Variants in TBC1D5 observed in about 807,000 individuals in gnomAD.
TBC1D5 encodes the protein TBC1 domain family, member 5.
A neutral mutation model predicts 100.3 loss-of-function variants in TBC1D5; 75 were observed. That is an observed-to-expected ratio of 0.75 (90% CI 0.62 to 0.91). The LOEUF (loss-of-function observed/expected upper bound fraction) is 0.91. Among genes scored for constraint, TBC1D5 ranks in the 40% least tolerant of loss-of-function variants. The pLI is 0.00. For synonymous variants in TBC1D5, 323 were observed against 325.6 expected, an observed-to-expected ratio of 0.99 and a Z score of 0.09; for missense variants, 910 against 942.4, an observed-to-expected ratio of 0.97 and a Z score of 0.45.
intron 1 of TBC1D5, chr3:17,706,246 A>G: frequency 6.5e-7 from 1 of 1,548,768 alleles, no homozygotes; most frequent in East Asian, 2.4e-5. Flanking sequence ...CCACATTGAT[A>G]TTTGTACTTC....
chr3:17,532,366 G>T (rs2096238483), intron 2 of TBC1D5, among the ~76,000 whole-genome samples: 1 of 152,156 alleles, frequency 6.6e-6, no homozygotes, highest in Non-Finnish European at 1.5e-5. Flanking sequence ...AGAGAAACAG[G>T]AACACTTTTA....
intron 18 of TBC1D5, among the ~76,000 whole-genome samples, chr3:17,197,907 C>T (rs914812435): frequency 9.9e-5 from 15 of 151,976 alleles, no homozygotes; most frequent in African/African-American, 2.9e-4. Context: ...CATGGTGGCT[C>T]GCGCCTGTAG....
intron 1 of TBC1D5, among the ~76,000 whole-genome samples, chr3:17,715,368 T>C (rs2075134462): frequency 6.6e-6 from 1 of 152,190 alleles, no homozygotes. Flanking sequence ...TTTCTAGCCC[T>C]ATGACAATGA....
chr3:17,348,674 CA>C (rs1230854029), intron 13 of TBC1D5, among the ~76,000 whole-genome samples: 4 of 152,222 alleles, frequency 2.6e-5, no homozygotes, highest in Non-Finnish European at 5.9e-5. Context: ...AGGCTGCAGG[CA>C]AAACGCACTA....
At chr3:17,437,172 C>T (rs927959426) in intron 3 of TBC1D5, among the ~76,000 whole-genome samples, 5 of 152,172 alleles carry the variant, frequency 3.3e-5, no homozygotes, top group Non-Finnish European at 7.4e-5. Flanking sequence ...GATAATGCAA[C>T]AAGAAGGCCC....
chr3:17,564,741 T>C (rs2096583150), intron 2 of TBC1D5, among the ~76,000 whole-genome samples: 1 of 152,158 alleles, frequency 6.6e-6, no homozygotes, highest in Non-Finnish European at 1.5e-5. Flanking sequence ...CATAGACAAA[T>C]GGCTATCTTT....
At chr3:17,431,508 AATAAC>A (rs1442222447) in intron 3 of TBC1D5, among the ~76,000 whole-genome samples, 7 of 152,024 alleles carry the variant, frequency 4.6e-5, no homozygotes, top group Non-Finnish European at 1.0e-4. Flanking sequence ...ATATAAAATA[AATAAC>A]ATATGTGTAA....
intron 1 of TBC1D5, among the ~76,000 whole-genome samples, chr3:17,695,583 C>T (rs901481632): frequency 2.6e-5 from 4 of 152,134 alleles, no homozygotes; most frequent in Non-Finnish European, 5.9e-5. Context: ...TACAGGAGCA[C>T]CCAGATTCAT....
rs533083072 is a variant in TBC1D5, at chr3:17,658,532, G to C, written c.-100-34619C>G. Among the ~76,000 whole-genome samples the C allele has an allele frequency of 2.0e-5, 3 of 152,252 alleles. No individual in the cohort carries two copies. The South Asian group carries it at 6.2e-4, about 32-fold the overall frequency. On this transcript the variant is annotated intron_variant, in intron 1 of 21. Coordinates refer to ENST00000253692, the Ensembl canonical transcript of TBC1D5. Reference sequence around the variant, plus strand: ...ATATATGTCAATGCAGAAAAGTAAAGAGAAGAAAAAACAGAAGACTCCCAG... The same window carrying C: ...ATATATGTCAATGCAGAAAAGTAAACAGAAGAAAAAACAGAAGACTCCCAG...
chr3:17,358,114 G>T lies in TBC1D5; in HGVS notation c.995+13961C>A, dbSNP rs560806453. Among the ~76,000 whole-genome samples, 6 of 152,166 alleles carry T rather than the reference G, an allele frequency of 3.9e-5. No individual in the cohort carries two copies. The South Asian group carries it at 1.2e-3, about 32-fold the overall frequency. ...GTGAGCTAGAGAAACTAGATCTCTG[G>T]TTCTCTCCAGTGTCACTGCCTTGGC... is the stretch of plus-strand genomic sequence containing the variant. On this transcript the variant is annotated intron_variant, in intron 13 of 21. Transcript: ENST00000253692.
chr3:17,736,362 C>T (rs936565677), intron 1 of TBC1D5, among the ~76,000 whole-genome samples: 5 of 152,116 alleles, frequency 3.3e-5, no homozygotes, highest in African/African-American at 1.2e-4. Context: ...TAAATTAACC[C>T]CAATCTTAGA....
chr3:17,597,363 A>G (rs1319289797), intron 2 of TBC1D5, among the ~76,000 whole-genome samples: 1 of 152,182 alleles, frequency 6.6e-6, no homozygotes, highest in Non-Finnish European at 1.5e-5. Flanking sequence ...CCTCCCCCAG[A>G]AAAACAGATA....
intron 16 of TBC1D5, among the ~76,000 whole-genome samples, chr3:17,254,161 G>C (rs2149347158): frequency 6.6e-6 from 1 of 152,338 alleles, no homozygotes; most frequent in East Asian, 1.9e-4. Flanking sequence ...TAAGGCTGCT[G>C]TGAATATTCT....
chr3:17,283,502 AAAAGATC>A (rs2080827312), intron 15 of TBC1D5, among the ~76,000 whole-genome samples: 4 of 152,330 alleles, frequency 2.6e-5, no homozygotes, highest in Middle Eastern at 3.4e-3. Flanking sequence ...ATTATTTCTT[AAAAGATC>A]AAAGTAAAAG....
chr3:17,428,432 T>G lies in TBC1D5; in HGVS notation c.167+18A>C. On this transcript the variant is annotated intron_variant, in intron 4 of 21. Transcript: ENST00000253692. ...GTGTGTATATATATATATATATATA[T>G]ATGTATTCATCACCTACCTATAGGA... 1 of 774,870 alleles carries G rather than the reference T, an allele frequency of 1.3e-6. No individual in the cohort carries two copies. Among genetic ancestry groups the G allele is most frequent in the Non-Finnish European group, 1.9e-6 (1 of 531,330 alleles). 48.0% of individuals were successfully genotyped at this position (774,870 alleles called of 1,614,324 possible). A position where few individuals can be genotyped will look rare whatever the true frequency, so the allele number is the denominator to read the frequency against.
intron 2 of TBC1D5, among the ~76,000 whole-genome samples, chr3:17,612,417 C>T (rs996355511): frequency 6.6e-6 from 1 of 151,894 alleles, no homozygotes; most frequent in African/African-American, 2.4e-5. Context: ...CACCGGAGGT[C>T]AGGAGTTCGA....
intron 3 of TBC1D5, among the ~76,000 whole-genome samples, chr3:17,479,919 G>C (rs768676645): frequency 6.6e-6 from 1 of 152,096 alleles, no homozygotes; most frequent in African/African-American, 2.4e-5. Flanking sequence ...CCACGCTCTG[G>C]GGCACAGCTA....
chr3:17,531,658 C>G (rs149005406), intron 2 of TBC1D5, among the ~76,000 whole-genome samples: 1 of 152,264 alleles, frequency 6.6e-6, no homozygotes, highest in Non-Finnish European at 1.5e-5. Flanking sequence ...TGGAACAAAA[C>G]AGAGCCCTCA....
At chr3:17,188,241 C>T (rs1421944362) in intron 18 of TBC1D5, among the ~76,000 whole-genome samples, 1 of 152,120 alleles carries the variant, frequency 6.6e-6, no homozygotes, top group Middle Eastern at 3.2e-3. Context: ...CAGTCCAGGG[C>T]ACTTGCTGGG....
Sources: gnomAD v4.1 joint callset for allele counts (sites outside exome capture counted in the v4.1 genomes callset) on GRCh38, gnomAD v4.1.1 for gene constraint, MANE v1.5 for transcripts, NCBI Gene and HGNC (gene_info 2026-07-23, HGNC 2026-07-21) for gene names.